The following RALYL variants were observed in gnomAD, a reference collection of about 807,000 sequenced individuals.
The protein encoded by RALYL is RALY RNA binding protein like, also known as RNA-binding Raly-like protein.
RALYL carries 29 observed loss-of-function variants against 35.1 expected under a neutral mutation model. The observed-to-expected ratio is 0.83, with a 90% CI of 0.61 to 1.13. RALYL has a LOEUF of 1.13. RALYL is among the 50% of genes most tolerant of loss of function. The pLI, the probability that RALYL is intolerant of heterozygous loss-of-function variation, is 0.00. For missense variants in RALYL, 359 were observed against 360.4 expected (o/e 1.00, Z 0.03); for synonymous variants, 120 against 127.6 (o/e 0.94, Z 0.40).
rs1824947906 is a variant in RALYL, at chr8:84,807,577, T to C, written c.365+2775T>C. On this transcript the variant is annotated intron_variant, in intron 4 of 8. Coordinates refer to ENST00000521268, the MANE Select transcript of RALYL (RefSeq NM_173848.7). ...AATGGTAGTTCTACTATTAGTTCTT[T>C]AAAGAATCTTTACACTGTTTTCTAT... 2.6e-5 allele frequency among the ~76,000 whole-genome samples: 4 copies of C among 152,218 alleles called. 1 individual carries two copies. The South Asian group carries it at 8.3e-4, about 32-fold the overall frequency.
intron 3 of RALYL, among the ~76,000 whole-genome samples, chr8:84,788,067 G>T (rs2133815332): frequency 6.6e-6 from 1 of 152,214 alleles, no homozygotes; most frequent in Admixed American, 6.5e-5. Context: ...CATTGCTTTT[G>T]GTGTTTTAAT....
intron 8 of RALYL, among the ~76,000 whole-genome samples, chr8:84,907,310 TCACACACACACACA>T (rs71273918): frequency 3.4e-5 from 5 of 148,042 alleles, no homozygotes; most frequent in Non-Finnish European, 6.0e-5. Flanking sequence ...AGATATAGCG[TCACACACACACACA>T]CACACACACA....
chr8:84,580,271 A>G (rs1332178569), intron 2 of RALYL, among the ~76,000 whole-genome samples: 1 of 152,236 alleles, frequency 6.6e-6, no homozygotes, highest in East Asian at 1.9e-4. Context: ...TTGAGTTGCT[A>G]TAAAGGAATA....
chr8:84,371,539 TCACACACACACACACACA>T (rs5892914), intron 1 of RALYL, among the ~76,000 whole-genome samples: 35 of 144,072 alleles, frequency 2.4e-4, no homozygotes, highest in Non-Finnish European at 4.6e-4. Context: ...TTTATGATTA[TCACACACACACACACACA>T]CACACACACA....
intron 1 of RALYL, among the ~76,000 whole-genome samples, chr8:84,362,814 G>T (rs980981782): frequency 2.6e-5 from 4 of 152,106 alleles, no homozygotes; most frequent in African/African-American, 9.7e-5. Context: ...CACAGGATTT[G>T]AGAATATATT....
intron 4 of RALYL, among the ~76,000 whole-genome samples, chr8:84,836,569 G>C (rs1338624834): frequency 6.6e-6 from 1 of 152,070 alleles, no homozygotes; most frequent in Non-Finnish European, 1.5e-5. Flanking sequence ...CATACGTATT[G>C]GTGACATACA....
chr8:84,439,325 G>C (rs571214261), intron 1 of RALYL, among the ~76,000 whole-genome samples: 2 of 151,996 alleles, frequency 1.3e-5, no homozygotes, highest in African/African-American at 4.8e-5. Context: ...TTTTATTCCA[G>C]CTTGCTCCCT....
chr8:84,694,004 G>T (rs1838623760), intron 2 of RALYL, among the ~76,000 whole-genome samples: 1 of 151,766 alleles, frequency 6.6e-6, no homozygotes, highest in Admixed American at 6.6e-5. Flanking sequence ...GGAACCCACA[G>T]CTAACATTTA....
chr8:84,315,061 A>G (rs1234633699), intron 1 of RALYL, among the ~76,000 whole-genome samples: 3 of 152,200 alleles, frequency 2.0e-5, no homozygotes, highest in Non-Finnish European at 4.4e-5. Context: ...CTGTGGGTAC[A>G]TTCCTATATG....
At chr8:84,238,580 T>A (rs910924149) in intron 1 of RALYL, among the ~76,000 whole-genome samples, 1 of 152,188 alleles carries the variant, frequency 6.6e-6, no homozygotes, top group African/African-American at 2.4e-5. Context: ...GTTATTTTAT[T>A]ATGTCTTGAA....
chr8:84,466,997 A>C (rs1393531035), intron 1 of RALYL, among the ~76,000 whole-genome samples: 1 of 151,882 alleles, frequency 6.6e-6, no homozygotes, highest in African/African-American at 2.4e-5. Context: ...TATCCCCTTT[A>C]TCATTTTTTA....
intron 8 of RALYL, among the ~76,000 whole-genome samples, chr8:84,890,911 C>T (rs945876061): frequency 6.6e-6 from 1 of 151,814 alleles, no homozygotes; most frequent in Non-Finnish European, 1.5e-5. Context: ...AGGAAAGGAA[C>T]ACGGTTGTGG....
intron 4 of RALYL, among the ~76,000 whole-genome samples, chr8:84,812,924 G>T (rs539229952): frequency 6.6e-6 from 1 of 152,250 alleles, no homozygotes; most frequent in Admixed American, 6.5e-5. Flanking sequence ...TTGAATTTTG[G>T]CTAGGAGGCT....
intron 1 of RALYL, among the ~76,000 whole-genome samples, chr8:84,507,455 C>G (rs2057270335): frequency 6.6e-6 from 1 of 152,018 alleles, no homozygotes. Flanking sequence ...GATAAACGAT[C>G]AGGCTTTTAG....
chr8:84,530,475 A>G (rs1474653908), intron 2 of RALYL, among the ~76,000 whole-genome samples: 1 of 143,282 alleles, frequency 7.0e-6, no homozygotes, highest in East Asian at 2.0e-4. Context: ...GGAACCCCCA[A>G]TTTATCCAGT....
At chr8:84,543,377 ATAGTAG>A (rs2060141452) in intron 2 of RALYL, among the ~76,000 whole-genome samples, 14 of 151,972 alleles carry the variant, frequency 9.2e-5, no homozygotes, top group Admixed American at 9.2e-4. Flanking sequence ...TTTCCCCTTT[ATAGTAG>A]TATTCAAAAT....
At chr8:84,196,890 T>C (rs1815442326) in intron 1 of RALYL, among the ~76,000 whole-genome samples, 1 of 152,340 alleles carries the variant, frequency 6.6e-6, no homozygotes, top group South Asian at 2.1e-4. Context: ...TTGATACTTA[T>C]TGTTCTTCAG....
At chr8:84,760,754 G>A (rs1812489334) in intron 2 of RALYL, among the ~76,000 whole-genome samples, 1 of 151,910 alleles carries the variant, frequency 6.6e-6, no homozygotes, top group South Asian at 2.1e-4. Flanking sequence ...AGCAAAGAAG[G>A]GAGTAAATAA....
Position 84,804,725 on chromosome 8 carries a change from C to T in RALYL, c.333-45C>T, listed in dbSNP as rs1042919306. ...CATGTAAAAGCAATTTTTGAATATA[C>T]AGCAAATTTTTATATTAAAAGAAAA... On this transcript the variant is annotated intron_variant, in intron 3 of 8. Coordinates refer to ENST00000521268, the MANE Select transcript of RALYL (RefSeq NM_173848.7). 52 of 1,018,596 alleles carry T rather than the reference C, an allele frequency of 5.1e-5. No individual in the cohort carries two copies. In the Admixed American group the frequency reaches 1.1e-3, roughly 21 times the overall value. 63.1% of individuals were successfully genotyped at this position (1,018,596 alleles called of 1,614,324 possible). A position where few individuals can be genotyped will look rare whatever the true frequency, so the allele number is the denominator to read the frequency against.
Sources: allele counts gnomAD v4.1 joint callset (sites outside exome capture counted in the v4.1 genomes callset), GRCh38; gene constraint gnomAD v4.1.1; transcripts MANE v1.5; gene names NCBI Gene and HGNC (gene_info 2026-07-23, HGNC 2026-07-21).